NHSL1: variants seen among roughly 807,000 people sequenced by gnomAD.
The protein encoded by NHSL1 is NHS-like protein 1.
NHSL1 carries 48 observed loss-of-function variants against 95.0 expected under a neutral mutation model. That is an observed-to-expected ratio of 0.51 (90% confidence interval 0.40 to 0.64). The LOEUF is 0.64. Ranked by LOEUF, NHSL1 falls within the 30% of genes least tolerant of loss-of-function variation. NHSL1 has a pLI of 0.00. For synonymous variants in NHSL1, 783 were observed against 833.9 expected, an observed-to-expected ratio of 0.94 and a Z score of 1.05; for missense variants, 1,971 against 2,077.7, an observed-to-expected ratio of 0.95 and a Z score of 1.00.
chr6:138,666,609 A>AG (rs1785298415), intron 1 of NHSL1, among the ~76,000 whole-genome samples: 1 of 151,490 alleles, frequency 6.6e-6, no homozygotes. Flanking sequence ...AAAAAAAAAA[A>AG]AAGAAGATGT....
At chr6:138,455,752 C>T (rs1341033515) in intron 3 of NHSL1, among the ~76,000 whole-genome samples, 1 of 45,238 alleles carries the variant, frequency 2.2e-5, no homozygotes, top group African/African-American at 4.7e-5. Context: ...GATGAACAAG[C>T]TAGCAATAGC....
In NHSL1 at chr6:138,432,432, T is replaced by C. The variant is rs1247367067; in HGVS notation, c.1913A>G (p.Asn638Ser). Residue 638 changes from asparagine (N) to serine (S), a missense_variant, in exon 6 of 8, where the codon AAT (asparagine) becomes AGT (serine). Transcript: ENST00000343505. The surrounding 1 kb of genome is among the most constrained non-coding windows in gnomAD (Gnocchi z 4.4). ...GFGNPRHSVI[N>S]VFVGRAQKNQ... The stretch of plus-strand genomic sequence containing the variant: ...TTTCTGAGCTCTTCCAACAAAAACA[T>C]TGATCACGCTGTGCCTGGGGTTCCC... The C allele has an allele frequency of 7.1e-6, 11 of 1,552,270 alleles. No individual in the cohort carries two copies. The Admixed American group carries it at 1.8e-4, about 25-fold the overall frequency.
At chr6:138,521,113 C>T (rs1306381385) in intron 1 of NHSL1, among the ~76,000 whole-genome samples, 1 of 152,246 alleles carries the variant, frequency 6.6e-6, no homozygotes, top group East Asian at 1.9e-4. Flanking sequence ...TTGTCTCCAC[C>T]AATTAGCTAA....
intron 1 of NHSL1, among the ~76,000 whole-genome samples, chr6:138,638,586 T>A (rs896037300): frequency 2.0e-5 from 3 of 152,216 alleles, no homozygotes; most frequent in East Asian, 3.8e-4. Flanking sequence ...TAAGTCCTAA[T>A]TGAATCTACA....
At chr6:138,491,936 C>A (rs149886060) in intron 2 of NHSL1, among the ~76,000 whole-genome samples, 1 of 152,232 alleles carries the variant, frequency 6.6e-6, no homozygotes, top group East Asian at 1.9e-4. Context: ...TTTCAGATTT[C>A]TAATTTTCAG....
intron 1 of NHSL1, among the ~76,000 whole-genome samples, chr6:138,620,504 C>T (rs1215303329): frequency 6.6e-6 from 1 of 151,968 alleles, no homozygotes; most frequent in African/African-American, 2.4e-5. Flanking sequence ...AGTCAAAAAG[C>T]TAAACTTTGT....
chr6:138,682,871 A>C (rs1179208238), intron 1 of NHSL1, among the ~76,000 whole-genome samples: 1 of 152,308 alleles, frequency 6.6e-6, no homozygotes, highest in East Asian at 1.9e-4. Context: ...AGTGTGGGTA[A>C]CCCGGAGATG....
At chr6:138,582,150 G>A (rs1186386415) in intron 1 of NHSL1, among the ~76,000 whole-genome samples, 1 of 152,090 alleles carries the variant, frequency 6.6e-6, no homozygotes, top group East Asian at 1.9e-4. Context: ...GCCCGCCTCA[G>A]CCTCCCAAAG....
intron 1 of NHSL1, among the ~76,000 whole-genome samples, chr6:138,515,801 T>C (rs1781434804): frequency 6.6e-6 from 1 of 152,180 alleles, no homozygotes; most frequent in Non-Finnish European, 1.5e-5. Context: ...GAGCTAGGCC[T>C]GGATGGGTAG....
chr6:138,507,525 T>C (rs543498152), intron 1 of NHSL1, among the ~76,000 whole-genome samples: 1 of 152,238 alleles, frequency 6.6e-6, no homozygotes, highest in Non-Finnish European at 1.5e-5. Flanking sequence ...GTGGAAAAAA[T>C]TGAATAGACA....
chr6:138,468,720 C>T (rs970513218), intron 3 of NHSL1, among the ~76,000 whole-genome samples: 11 of 152,310 alleles, frequency 7.2e-5, no homozygotes, highest in African/African-American at 2.2e-4. Context: ...GCTATCCCAT[C>T]TAGCCTAGGT....
rs1264735130 is a variant in NHSL1 at position 138,424,159 on chromosome 6, G to A, written c.4743C>T (p.Gly1581=). ...CTGCACTGGCTGTCCCATCCACAGG[G>A]CCGGGGGCCTGGGGCTGCAGGGAGG... ...PAASLQPQAP[G]PVDGTASAEG... Residue 1581 remains glycine (G), a synonymous_variant, in exon 8 of 8, where the codon GGC becomes GGT. Transcript: ENST00000343505. The surrounding 1 kb of genome is among the most constrained non-coding windows in gnomAD (Gnocchi z 5.9). The A allele has an allele frequency of 6.9e-7, 1 of 1,453,106 alleles. No individual in the cohort carries two copies. Among genetic ancestry groups the A allele is most frequent in the Admixed American group, 2.7e-5 (1 of 36,382 alleles). The allele number at this position is 1,453,106 out of a possible 1,614,324, so 90.0% of individuals were successfully genotyped here. A position where few individuals can be genotyped will look rare whatever the true frequency, so the allele number is the denominator to read the frequency against.
intron 1 of NHSL1, among the ~76,000 whole-genome samples, chr6:138,603,845 T>C (rs1784400470): frequency 1.3e-5 from 2 of 152,220 alleles, no homozygotes; most frequent in Admixed American, 1.3e-4. Context: ...AAAAATCACA[T>C]ACCTGTACCA....
At chr6:138,531,506 T>C (rs143044949) in intron 1 of NHSL1, among the ~76,000 whole-genome samples, 159 of 150,856 alleles carry the variant, frequency 1.1e-3, no homozygotes, top group African/African-American at 3.7e-3. Flanking sequence ...TTGTCAACCA[T>C]TTTGTTTCTC....
chr6:138,580,645 G>GTCAGTACGTGCTGGCT, intron 1 of NHSL1, among the ~76,000 whole-genome samples: 1 of 152,204 alleles, frequency 6.6e-6, no homozygotes, highest in Non-Finnish European at 1.5e-5. Flanking sequence ...GGCTCCCATA[G>GTCAGTACGTGCTGGCT]TCAGTACGTG....
At chr6:138,549,699 A>G (rs1348910000), upstream of NHSL1, among the ~76,000 whole-genome samples, 1 of 152,202 alleles carries the variant, frequency 6.6e-6, no homozygotes, top group African/African-American at 2.4e-5. Context: ...TGAGATGGGC[A>G]TGATTTGTTT....
At chr6:138,601,882 A>AAAAAC in intron 1 of NHSL1, among the ~76,000 whole-genome samples, 2 of 152,330 alleles carry the variant, frequency 1.3e-5, no homozygotes, top group South Asian at 4.1e-4. Context: ...ATTTAATAAC[A>AAAAAC]AAAACAAAAA....
rs1199651135 is a variant in NHSL1, at chr6:138,422,133, G to A, written c.*1948C>T. 2 of 152,084 alleles carry A rather than the reference G, an allele frequency of 1.3e-5. No homozygotes were observed. The highest frequency in any genetic ancestry group is 2.9e-5 in the Non-Finnish European group (2 of 68,018). The allele number at this position is 152,084 out of a possible 1,614,324, so 9.4% of individuals were successfully genotyped here. On this transcript the variant is annotated 3_prime_UTR_variant, in exon 8 of 8. Transcript: ENST00000343505. ...GGATTTAAAAATAGTTTTATAATTA[G>A]TGTTATGTTGCTTTATCTTATCTTT...
chr6:138,564,587 C>T (rs1328649872), intron 1 of NHSL1, among the ~76,000 whole-genome samples: 2 of 151,718 alleles, frequency 1.3e-5, no homozygotes, highest in African/African-American at 2.4e-5. Flanking sequence ...ACCATTTAAT[C>T]GAGTCCCAGA....
Sources: gnomAD v4.1 joint callset for allele counts (sites outside exome capture counted in the v4.1 genomes callset) on GRCh38, gnomAD v4.1.1 for gene constraint, Gnocchi (gnomAD v3.1) non-coding constraint, MANE v1.5 for transcripts, NCBI Gene and HGNC (gene_info 2026-07-23, HGNC 2026-07-21) for gene names.